TTN: variants seen among roughly 807,000 people sequenced by gnomAD.
TTN encodes the protein connectin.
In TTN, 1,525 loss-of-function variants were observed where a neutral mutation model predicts 3,223.0. That is an observed-to-expected ratio of 0.47 (90% CI 0.45 to 0.49). The LOEUF (loss-of-function observed/expected upper bound fraction) is 0.49, where lower values mean the gene tolerates loss of function less well. TTN is among the 20% of genes least tolerant of loss of function. TTN has a pLI of 0.00. For synonymous variants in TTN, 14,094 were observed against 15,161.0 expected (o/e 0.93, Z 5.17); for missense variants, 40,786 against 43,424.0 (o/e 0.94, Z 5.40).
rs72648937 is a variant in TTN at position 178,732,873 on chromosome 2, C to T, written c.16303G>A (p.Val5435Met). 8.1e-3 allele frequency: 12,992 copies of T among 1,613,306 alleles called. 74 individuals carry two copies. The highest frequency in any genetic ancestry group is 9.3e-3 in the Non-Finnish European group (10,981 of 1,179,520). The change falls in exon 55 of 363, where the codon GTG (valine) becomes ATG (methionine). Residue 5435 changes from valine (V) to methionine (M), a missense_variant. Coordinates refer to ENST00000589042, the MANE Select transcript of TTN (RefSeq NM_001267550.2). The part of the protein sequence containing the change: ...GNFTCRATNS[V>M]GSKDSSGALI... ...GCTCCACTGCTGTCTTTGCTTCCCA[C>T]GGAATTTGTGGCTCGACAAGTGAAA... is the stretch of plus-strand genomic sequence containing the variant.
chr2:178,640,283 T>C (rs1416181560), intron 221 of TTN, among the ~76,000 whole-genome samples, 173 bp from the exon 222 acceptor site: 1 of 152,022 alleles, frequency 6.6e-6, no homozygotes, highest in African/African-American at 2.4e-5. Context: ...TTGGAAAATA[T>C]AGTAAGGCAA....
chr2:178,635,219 C>G lies in TTN; in HGVS notation c.41970G>C (p.Glu13990Asp). Residue 13990 changes from glutamate to aspartate, a missense_variant, in exon 228 of 363, where the codon GAG (glutamate) becomes GAC (aspartate). Glu to Asp is a conservative substitution (Grantham distance 45). Coordinates refer to ENST00000589042, the MANE Select transcript of TTN (RefSeq NM_001267550.2). ...GTTTCCATTGTCCAGGAATGTCTGC[C>G]TCTGAGATTTCTGCATCAAAGCTTG... ...ESASFDAEIS[E>D]ADIPGQWKLK... 2 of 1,613,300 alleles carry G rather than the reference C, an allele frequency of 1.2e-6. No homozygotes were observed. The highest frequency in any genetic ancestry group is 1.7e-6 in the Non-Finnish European group (2 of 1,179,496).
chr2:178,592,565 G>A lies in TTN; in HGVS notation c.59440C>T (p.Pro19814Ser). 6.2e-7 allele frequency: 1 copy of A among 1,613,454 alleles called. No individual in the cohort carries two copies. The highest frequency in any genetic ancestry group is 8.5e-7 in the Non-Finnish European group (1 of 1,179,576). Residue 19814 changes from proline (P) to serine (S), a missense_variant, in exon 301 of 363, where the codon CCA becomes TCA. Pro to Ser is a moderately conservative substitution (Grantham distance 74, BLOSUM62 -1). Coordinates refer to ENST00000589042, the MANE Select transcript of TTN (RefSeq NM_001267550.2). The stretch of plus-strand genomic sequence containing the variant: ...TTTTTCCAAGTTACTTTTGGGAATG[G>A]CACTCCTTTGATGATGGCACTAAGT... ...LRLSAIIKGV[P>S]FPKVTWKKED...
rs1382601708 is a variant in TTN, at chr2:178,580,322, C to T, written c.67057G>A (p.Asp22353Asn). 8 of 1,611,738 alleles carry T rather than the reference C, an allele frequency of 5.0e-6. No homozygotes were observed. Among genetic ancestry groups the T allele is most frequent in the Non-Finnish European group, 6.8e-6 (8 of 1,178,962 alleles). Reference protein sequence around the residue: ...KEYTIVVKVLDTPGPPVNVTV... With the variant: ...KEYTIVVKVLNTPGPPVNVTV... Reference sequence around the variant, plus strand: ...TGATTCTTTTTTGAAATAGACTTACCAAGCACTTTCACAACAATGGTATAT... The same window carrying T: ...TGATTCTTTTTTGAAATAGACTTACTAAGCACTTTCACAACAATGGTATAT... The change falls in exon 317 of 363, where the codon GAT (aspartate) becomes AAT (asparagine). Residue 22353 changes from aspartate to asparagine, a missense_variant and splice_region_variant. Asp to Asn is a conservative substitution (Grantham distance 23). Coordinates refer to ENST00000589042, the MANE Select transcript of TTN (RefSeq NM_001267550.2).
intron 109 of TTN, 94 bp from the exon 110 acceptor site, chr2:178,701,681 G>T: frequency 8.1e-7 from 1 of 1,239,524 alleles, no homozygotes; most frequent in Non-Finnish European, 1.2e-6. Context: ...CCTGAGATAT[G>T]TCAGGCATAT....
rs200172231 is a variant in TTN at position 178,533,649 on chromosome 2, A to G, written c.102966T>C (p.Ser34322=). ...DKGLYQLTIN[S]VTTDDDAEYT... ...ATTCAGCGTCATCATCTGTAGTGAC[A>G]CTGTTGATTGTTAATTGGTAAAGAC... The change falls in exon 358 of 363, where the codon AGT becomes AGC. Residue 34322 remains serine (S), a synonymous_variant. Transcript: ENST00000589042. 3.8e-5 allele frequency: 61 copies of G among 1,613,792 alleles called. No homozygotes were observed. The Middle Eastern group carries it at 1.6e-3, about 43-fold the overall frequency.
chr2:178,780,060 G>A lies in TTN; in HGVS notation c.3669C>T (p.Ala1223=), dbSNP rs2092627472. Reference sequence around the variant, plus strand: ...CTTTGGCCATTTTCTTCCTAATTAAGGCTTGTTCTTTTTCATACTCTTTTT... The same window carrying A: ...CTTTGGCCATTTTCTTCCTAATTAAAGCTTGTTCTTTTTCATACTCTTTTT... The part of the protein sequence containing the change: ...EYEKEYEKEQ[A]LIRKKMAKDT... Residue 1223 remains alanine (A), a synonymous_variant, in exon 22 of 363, where the codon GCC becomes GCT. Transcript: ENST00000589042. The A allele has an allele frequency of 6.2e-7, 1 of 1,613,440 alleles. No individual in the cohort carries two copies. The highest frequency in any genetic ancestry group is 1.1e-5 in the South Asian group (1 of 91,078).
Position 178,613,847 on chromosome 2 carries a change from C to T in TTN, c.49436G>A (p.Gly16479Asp), listed in dbSNP as rs2056796893. The T allele has an allele frequency of 6.2e-7, 1 of 1,612,414 alleles. No homozygotes were observed. The highest frequency in any genetic ancestry group is 1.1e-5 in the South Asian group (1 of 90,924). ...AACCCAGTATCCTGTGATTGGGCTG[C>T]CACCATCATCATCTGGCTCACACCA... is the stretch of plus-strand genomic sequence containing the variant. ...LTWCEPDDDG[G>D]SPITGYWVER... Residue 16479 changes from glycine to aspartate, a missense_variant, in exon 263 of 363, where the codon GGC (glycine) becomes GAC (aspartate). Coordinates refer to ENST00000589042, the MANE Select transcript of TTN (RefSeq NM_001267550.2).
rs879070036 is a variant in TTN, at chr2:178,688,162, T to C, written c.32260A>G (p.Arg10754Gly). 3 of 1,613,070 alleles carry C rather than the reference T, an allele frequency of 1.9e-6. No homozygotes were observed. Among genetic ancestry groups the C allele is most frequent in the South Asian group, 2.2e-5 (2 of 91,076 alleles). ...TCCTCCTCCTCTCTTTCTTCTTCTCTATAAACTGAAATGGACACACCTTCC... is the reference window on the plus strand; with the variant it reads ...TCCTCCTCCTCTCTTTCTTCTTCTCCATAAACTGAAATGGACACACCTTCC... ...EEEGVSISVY[R>G]EEEREEEEEA... The change falls in exon 127 of 363, where the codon AGA (arginine) becomes GGA (glycine). Residue 10754 changes from arginine (R) to glycine (G), a missense_variant. Arg to Gly is a moderately radical substitution (Grantham distance 125). Coordinates refer to ENST00000589042, the MANE Select transcript of TTN (RefSeq NM_001267550.2).
intron 308 of TTN, 73 bp downstream of exon 308, chr2:178,586,432 G>A: frequency 6.5e-7 from 1 of 1,549,882 alleles, no homozygotes; most frequent in East Asian, 2.3e-5. Context: ...TCCTCAGGGA[G>A]AAATGTCTAC....
intron 240 of TTN, among the ~76,000 whole-genome samples, chr2:178,628,127 A>AGG (rs2059311184): frequency 6.6e-6 from 1 of 152,090 alleles, no homozygotes; most frequent in Non-Finnish European, 1.5e-5. Flanking sequence ...TATAACAGGC[A>AGG]GGCGTTACCT....
chr2:178,704,448 C>G (rs369337943), intron 105 of TTN, 41 bp from the exon 106 acceptor site: 1 of 1,601,658 alleles, frequency 6.2e-7, no homozygotes, highest in Non-Finnish European at 8.5e-7. Flanking sequence ...CAATATCACA[C>G]GCAGATGTGC....
chr2:178,704,813 C>G (rs1246695516), intron 104 of TTN, 36 bp from the exon 105 acceptor site: 8 of 1,607,086 alleles, frequency 5.0e-6, no homozygotes, highest in Non-Finnish European at 6.8e-6. Context: ...ATTTGTTACT[C>G]CTTCCCTTAT....
Position 178,565,577 on chromosome 2 carries a change from C to A in TTN, c.80555G>T (p.Arg26852Leu). The change falls in exon 326 of 363, where the codon CGT becomes CTT. Residue 26852 changes from arginine to leucine, a missense_variant. Physicochemically the swap from Arg to Leu is moderately radical, Grantham distance 102. Coordinates refer to ENST00000589042, the MANE Select transcript of TTN (RefSeq NM_001267550.2). The part of the protein sequence containing the change: ...GLSSGQEYQF[R>L]VKAYNEKGKS... ...TCCTTTCTCATTATAAGCCTTGACACGGAACTGATATTCTTGTCCAGAACT... is the reference window on the plus strand; with the variant it reads ...TCCTTTCTCATTATAAGCCTTGACAAGGAACTGATATTCTTGTCCAGAACT... 6.2e-7 allele frequency: 1 copy of A among 1,613,598 alleles called. No individual in the cohort carries two copies. The highest frequency in any genetic ancestry group is 1.1e-5 in the South Asian group (1 of 91,078).
At position 178,621,917 on chromosome 2, in the gene TTN, T is replaced by C; in HGVS notation, c.45005A>G (p.Lys15002Arg). Residue 15002 changes from lysine (K) to arginine (R), a missense_variant, in exon 244 of 363, where the codon AAA becomes AGA. Coordinates refer to ENST00000589042, the MANE Select transcript of TTN (RefSeq NM_001267550.2). ...KGAVRILVIN[K>R]CLLDDEAEYS... is the part of the protein sequence containing the mutation. The stretch of plus-strand genomic sequence containing the variant: ...TTCAGCTTCATCATCCAGTAGACAT[T>C]TGTTGATGACAAGAATGCGCACTGC... 2.5e-6 allele frequency: 4 copies of C among 1,612,180 alleles called. No individual in the cohort carries two copies. The highest frequency in any genetic ancestry group is 3.4e-6 in the Non-Finnish European group (4 of 1,178,984).
intron 47 of TTN, chr2:178,745,663 ACT>A: frequency 6.2e-7 from 1 of 1,611,748 alleles, no homozygotes; most frequent in South Asian, 1.1e-5. Flanking sequence ...CTCCTTCATC[ACT>A]CTTTACTAAG....
rs1257817959 is a variant in TTN, at chr2:178,653,122, G to T, written c.38794C>A (p.Pro12932Thr). 12 of 1,612,460 alleles carry T rather than the reference G, an allele frequency of 7.4e-6. No individual in the cohort carries two copies. Among genetic ancestry groups the T allele is most frequent in the African/African-American group, 1.3e-5 (1 of 74,820 alleles). ...GGAACAACTTCTTTGGGAGCCTCTG[G>T]CACTTAAAAGATATTAGGTAAAATT... ...KKPEVPPVKV[P>T]EAPKEVVPEK... The change falls in exon 199 of 363, where the codon CCA becomes ACA. Residue 12932 changes from proline (P) to threonine (T), a missense_variant and splice_region_variant. Coordinates refer to ENST00000589042, the MANE Select transcript of TTN (RefSeq NM_001267550.2).
In TTN at chr2:178,590,522, G is replaced by C. The variant is rs779637589; in HGVS notation, c.61203C>G (p.Ser20401Arg). Reference protein sequence around the residue: ...VWTKPLSDGGSPILGYVVECQ... With the variant: ...VWTKPLSDGGRPILGYVVECQ... The stretch of plus-strand genomic sequence containing the variant: ...ATTCCACTACATATCCTAGAATGGG[G>C]CTACCACCATCACTGAGAGGCTTTG... Residue 20401 changes from serine to arginine, a missense_variant, in exon 304 of 363, where the codon AGC (serine) becomes AGG (arginine). Physicochemically the swap from Ser to Arg is moderately radical, Grantham distance 110. Coordinates refer to ENST00000589042, the MANE Select transcript of TTN (RefSeq NM_001267550.2). 4 of 1,612,792 alleles carry C rather than the reference G, an allele frequency of 2.5e-6. No individual in the cohort carries two copies. Among genetic ancestry groups the C allele is most frequent in the South Asian group, 1.1e-5 (1 of 90,994 alleles).
rs574655603 is a variant in TTN, at chr2:178,646,021, G to C, written c.40307C>G (p.Pro13436Arg). 1.7e-5 allele frequency: 26 copies of C among 1,553,636 alleles called. No individual in the cohort carries two copies. The East Asian group carries it at 6.0e-4, about 36-fold the overall frequency. Reference sequence around the variant, plus strand: ...TTTTGGCTTCTCAATAACCTTTTCAGGTTCAGGTTCTTGAAAGAGTATTTC... The same window carrying C: ...TTTTGGCTTCTCAATAACCTTTTCACGTTCAGGTTCTTGAAAGAGTATTTC... ...PEEIPVKEPE[P>R]EKVIEKPKLK... Residue 13436 changes from proline to arginine, a missense_variant, in exon 217 of 363, where the codon CCT (proline) becomes CGT (arginine). Pro to Arg is a moderately radical substitution (Grantham distance 103). Transcript: ENST00000589042.
Sources: allele counts gnomAD v4.1 joint callset (sites outside exome capture counted in the v4.1 genomes callset), GRCh38; gene constraint gnomAD v4.1.1; transcripts MANE v1.5; gene names NCBI Gene and HGNC (gene_info 2026-07-23, HGNC 2026-07-21).